The following RNF157 variants were observed in gnomAD, a reference collection of about 807,000 sequenced individuals.
The protein encoded by RNF157 is E3 ubiquitin ligase RNF157.
Under a neutral mutation model 88.3 loss-of-function variants are expected in RNF157, and 55 were observed. The ratio of observed to expected loss-of-function variants is 0.62; its 90% confidence interval spans 0.50 to 0.78. The LOEUF (loss-of-function observed/expected upper bound fraction) is 0.78. Among genes scored for constraint, RNF157 ranks in the 30% least tolerant of loss-of-function variants. RNF157 has a pLI of 0.00. For missense variants in RNF157, 788 were observed against 860.8 expected (o/e 0.92, Z 1.06); for synonymous variants, 334 against 341.2 (o/e 0.98, Z 0.23).
At chr17:76,214,135 C>T (rs1404180125) in intron 1 of RNF157, among the ~76,000 whole-genome samples, 1 of 152,136 alleles carries the variant, frequency 6.6e-6, no homozygotes, top group Non-Finnish European at 1.5e-5. Context: ...CGATGGGCAT[C>T]AGAAGTGGGG....
In RNF157 at chr17:76,152,527, T is replaced by C; in HGVS notation, c.1811-62A>G. The C allele has an allele frequency of 1.4e-5, 14 of 971,354 alleles. No individual in the cohort carries two copies. The South Asian group carries it at 1.6e-4, about 11-fold the overall frequency. 60.2% of individuals were successfully genotyped at this position (971,354 alleles called of 1,614,324 possible). On this transcript the variant is annotated intron_variant, in intron 17 of 18. Transcript: ENST00000269391. ...TGTGTTTTTCTCTGCGTTGCTGTCC[T>C]TAAAATAAAAATCTTAAGGATGGAG...
intron 18 of RNF157, 37 bp from the exon 19 acceptor site, chr17:76,145,390 C>A: frequency 6.5e-7 from 1 of 1,538,942 alleles, no homozygotes. Context: ...GGAGCCAGAC[C>A]TTTGGCCAAA....
At chr17:76,154,516 C>T in intron 16 of RNF157, 188 bp from the exon 17 acceptor site, 1 of 607,016 alleles carries the variant, frequency 1.6e-6, no homozygotes, top group Admixed American at 2.9e-5. Context: ...GAGGCACCAT[C>T]TGCCTACAGG....
chr17:76,239,364 A>C (rs1411207177), intron 1 of RNF157, among the ~76,000 whole-genome samples: 1 of 152,174 alleles, frequency 6.6e-6, no homozygotes, highest in Non-Finnish European at 1.5e-5. Context: ...GAGACATTTA[A>C]GTGAAGGGAT....
At chr17:76,173,234 C>A (rs1036003138) in intron 3 of RNF157, among the ~76,000 whole-genome samples, 3 of 151,194 alleles carry the variant, frequency 2.0e-5, no homozygotes, top group African/African-American at 7.3e-5. Context: ...TGCAGTGAGC[C>A]GAGATTGCGC....
At chr17:76,231,583 G>A (rs73364511) in intron 1 of RNF157, among the ~76,000 whole-genome samples, 1 of 151,984 alleles carries the variant, frequency 6.6e-6, no homozygotes, top group East Asian at 1.9e-4. Context: ...CTTGAGCCCA[G>A]GAGTAGAAGA....
chr17:76,185,487 TGAGACGGAG>T lies in RNF157; in HGVS notation c.208-11706_208-11698del, dbSNP rs1568047337. On this transcript the variant is annotated intron_variant, in intron 2 of 18. Transcript: ENST00000269391. ...AGATTAGTCCTTTCTTTTTTTTTTT[TGAGACGGAG>T]TCTCGCTCTGTCGCCCAGGCTGGAG... Among the ~76,000 whole-genome samples the T allele has an allele frequency of 2.3e-3, 344 of 149,886 alleles. 4 individuals carry two copies. Among genetic ancestry groups the T allele is most frequent in the African/African-American group, 6.9e-3 (275 of 39,758 alleles).
At chr17:76,212,839 C>A (rs777036807) in intron 1 of RNF157, among the ~76,000 whole-genome samples, 1 of 152,062 alleles carries the variant, frequency 6.6e-6, no homozygotes, top group African/African-American at 2.4e-5. Flanking sequence ...CCAGTCTGGG[C>A]GACAGAGTGA....
chr17:76,200,683 C>T (rs1384791512), intron 2 of RNF157, among the ~76,000 whole-genome samples: 4 of 152,028 alleles, frequency 2.6e-5, no homozygotes, highest in African/African-American at 9.7e-5. Flanking sequence ...CTGGGGAAGG[C>T]GTGGAAGTAG....
At chr17:76,150,821 C>T (rs1188144026) in intron 18 of RNF157, among the ~76,000 whole-genome samples, 1 of 152,258 alleles carries the variant, frequency 6.6e-6, no homozygotes, top group Non-Finnish European at 1.5e-5. Flanking sequence ...CTCACAGCCC[C>T]ACGCGAGCGC....
At chr17:76,234,287 C>T (rs1407177791) in intron 1 of RNF157, among the ~76,000 whole-genome samples, 2 of 152,258 alleles carry the variant, frequency 1.3e-5, no homozygotes, top group African/African-American at 2.4e-5. Flanking sequence ...TTCTATTCAT[C>T]GGTTGATGAA....
intron 2 of RNF157, among the ~76,000 whole-genome samples, chr17:76,194,273 C>T (rs2069436328): frequency 6.6e-6 from 1 of 152,186 alleles, no homozygotes; most frequent in South Asian, 2.1e-4. Flanking sequence ...TATTTCTTAT[C>T]TCTATCGTTT....
chr17:76,217,922 G>A (rs1327139093), intron 1 of RNF157, among the ~76,000 whole-genome samples: 1 of 152,200 alleles, frequency 6.6e-6, no homozygotes, highest in South Asian at 2.1e-4. Flanking sequence ...GTATGAGTGG[G>A]AAGGAGAAAG....
chr17:76,225,377 A>G (rs923101286), intron 1 of RNF157, among the ~76,000 whole-genome samples: 8 of 152,150 alleles, frequency 5.3e-5, no homozygotes, highest in African/African-American at 1.9e-4. Context: ...AAAAATTAGT[A>G]TATATAAGTT....
At chr17:76,204,224 T>C (rs1352953585) in intron 2 of RNF157, among the ~76,000 whole-genome samples, 2 of 152,210 alleles carry the variant, frequency 1.3e-5, no homozygotes, top group Non-Finnish European at 2.9e-5. Flanking sequence ...TTATGCTTCC[T>C]TGTATTGCTT....
intron 14 of RNF157, 132 bp downstream of exon 14, chr17:76,156,078 A>G (rs1326471979): frequency 1.4e-6 from 1 of 704,400 alleles, no homozygotes; most frequent in East Asian, 2.6e-5. Context: ...TTCCCTCTCA[A>G]GCCAGGGCCT....
At chr17:76,212,303 G>T (rs1283756223) in intron 2 of RNF157, 61 bp downstream of exon 2, 2 of 1,183,402 alleles carry the variant, frequency 1.7e-6, no homozygotes, top group African/African-American at 3.0e-5. Flanking sequence ...ACTTATTTTT[G>T]TTACATTTTT....
chr17:76,209,473 T>A (rs2069739221), intron 2 of RNF157, among the ~76,000 whole-genome samples: 1 of 144,656 alleles, frequency 6.9e-6, no homozygotes, highest in East Asian at 1.9e-4. Context: ...CATTGTAAGA[T>A]TTTTTTGCGT....
chr17:76,230,832 C>A, intron 1 of RNF157, among the ~76,000 whole-genome samples: 1 of 60,466 alleles, frequency 1.7e-5, no homozygotes, highest in South Asian at 5.9e-4. Flanking sequence ...AACAAGACTC[C>A]ATCTAAAAAA....
Sources: allele counts gnomAD v4.1 joint callset (sites outside exome capture counted in the v4.1 genomes callset), GRCh38; gene constraint gnomAD v4.1.1; transcripts MANE v1.5; gene names NCBI Gene and HGNC (gene_info 2026-07-23, HGNC 2026-07-21).